The following TPST1 variants were observed in gnomAD, a reference collection of about 807,000 sequenced individuals.
TPST1 encodes the protein tyrosylprotein sulfotransferase 1.
TPST1 carries 20 observed loss-of-function variants against 34.8 expected under a neutral mutation model. The observed-to-expected ratio is 0.57, with a 90% CI of 0.40 to 0.84. The LOEUF is 0.84. TPST1 is among the 40% of genes least tolerant of loss of function. TPST1 has a pLI of 0.00. For synonymous variants in TPST1, 152 were observed against 159.4 expected, an observed-to-expected ratio of 0.95 and a Z score of 0.35; for missense variants, 353 against 455.5, an observed-to-expected ratio of 0.78 and a Z score of 2.05.
At chr7:66,323,204 T>G (rs981323987) in intron 3 of TPST1, among the ~76,000 whole-genome samples, 2 of 152,198 alleles carry the variant, frequency 1.3e-5, no homozygotes, top group African/African-American at 2.4e-5. Flanking sequence ...TAGAGTTGAT[T>G]TCTTTAACTT....
intron 5 of TPST1, 137 bp from the exon 6 acceptor site, chr7:66,359,758 T>A (rs1792654560): frequency 4.9e-6 from 2 of 406,282 alleles, no homozygotes. Flanking sequence ...ACATCCATCC[T>A]CCTGGCCCCT....
chr7:66,352,413 G>A, intron 3 of TPST1, 92 bp from the exon 4 acceptor site: 1 of 1,547,148 alleles, frequency 6.5e-7, no homozygotes, highest in Non-Finnish European at 8.7e-7. Context: ...CAGTGGAGCA[G>A]TAAACCCGGC....
chr7:66,294,688 T>G (rs1463615829), intron 3 of TPST1, among the ~76,000 whole-genome samples: 1 of 152,004 alleles, frequency 6.6e-6, no homozygotes, highest in African/African-American at 2.4e-5. Flanking sequence ...AAAAATCACC[T>G]GTAATGTTCC....
At chr7:66,218,615 G>T (rs1789474599) in intron 1 of TPST1, among the ~76,000 whole-genome samples, 1 of 152,140 alleles carries the variant, frequency 6.6e-6, no homozygotes, top group South Asian at 2.1e-4. Context: ...GGAGGCTGAG[G>T]CGGGGAGATC....
At chr7:66,266,655 T>A (rs1790598379) in intron 2 of TPST1, among the ~76,000 whole-genome samples, 1 of 152,228 alleles carries the variant, frequency 6.6e-6, no homozygotes, top group Admixed American at 6.5e-5. Flanking sequence ...GGGGGATGTA[T>A]AAATAAAATA....
chr7:66,328,543 G>C (rs1791917990), intron 3 of TPST1, among the ~76,000 whole-genome samples: 1 of 150,018 alleles, frequency 6.7e-6, no homozygotes, highest in Admixed American at 6.7e-5. Flanking sequence ...AAATGAAATA[G>C]TTTTTTTTTG....
intron 3 of TPST1, among the ~76,000 whole-genome samples, chr7:66,305,040 A>G (rs1177958032): frequency 6.6e-6 from 1 of 151,932 alleles, no homozygotes; most frequent in African/African-American, 2.4e-5. Context: ...GCTGCTCTTG[A>G]ACTCCTGGCC....
chr7:66,220,254 A>G (rs543860023), intron 1 of TPST1, among the ~76,000 whole-genome samples: 1 of 152,198 alleles, frequency 6.6e-6, no homozygotes, highest in Admixed American at 6.5e-5. Context: ...GTTATATACT[A>G]TGGAGAAACT....
intron 2 of TPST1, among the ~76,000 whole-genome samples, chr7:66,244,930 T>A (rs989924147): frequency 4.6e-5 from 7 of 152,094 alleles, no homozygotes. Context: ...TAGTGATAAG[T>A]ACAAGAGAAC....
At chr7:66,201,862 G>GAAA (rs370370393), upstream of TPST1, among the ~76,000 whole-genome samples, 1,295 of 131,454 alleles carry the variant, frequency 9.9e-3, 28 homozygotes, top group African/African-American at 0.034. Context: ...ATTAAAATAA[G>GAAA]AAAAAAAAAA....
intron 1 of TPST1, among the ~76,000 whole-genome samples, chr7:66,228,537 AATCATTCCTGTATAACT>A (rs1310059111): frequency 1.3e-5 from 2 of 152,336 alleles, no homozygotes; most frequent in Admixed American, 1.3e-4. Context: ...ATACTAGAAG[AATCATTCCTGTATAACT>A]GTATAAATGG....
At chr7:66,234,720 A>T (rs1460165822) in intron 1 of TPST1, among the ~76,000 whole-genome samples, 4 of 152,152 alleles carry the variant, frequency 2.6e-5, no homozygotes, top group African/African-American at 9.7e-5. Context: ...TCTGTCTCCC[A>T]GGTCGGAGTG....
At chr7:66,278,591 T>A (rs1790868252) in intron 2 of TPST1, among the ~76,000 whole-genome samples, 1 of 152,070 alleles carries the variant, frequency 6.6e-6, no homozygotes, top group South Asian at 2.1e-4. Flanking sequence ...GAGACCATCC[T>A]AGCTAACACG....
intron 3 of TPST1, among the ~76,000 whole-genome samples, chr7:66,348,956 C>CCGTAAGG (rs1430013207): frequency 1.3e-5 from 2 of 151,906 alleles, no homozygotes; most frequent in Non-Finnish European, 2.9e-5. Context: ...TTCATATAAG[C>CCGTAAGG]CTTACCTATC....
At chr7:66,357,549 C>T (rs990491546) in intron 5 of TPST1, among the ~76,000 whole-genome samples, 1 of 152,202 alleles carries the variant, frequency 6.6e-6, no homozygotes, top group Non-Finnish European at 1.5e-5. Flanking sequence ...GCCAGCCTTG[C>T]CTTCTCAGCC....
At chr7:66,278,812 T>G (rs889390011) in intron 2 of TPST1, among the ~76,000 whole-genome samples, 2 of 151,662 alleles carry the variant, frequency 1.3e-5, no homozygotes, top group African/African-American at 4.8e-5. Flanking sequence ...AAAAAAAAAG[T>G]TTATCATAGA....
At chr7:66,272,895 A>G (rs909700239) in intron 2 of TPST1, among the ~76,000 whole-genome samples, 1 of 152,008 alleles carries the variant, frequency 6.6e-6, no homozygotes, top group Non-Finnish European at 1.5e-5. Context: ...CCTTACTCTC[A>G]CCACTTCTGT....
intron 1 of TPST1, among the ~76,000 whole-genome samples, chr7:66,234,938 G>T (rs1789880762): frequency 6.6e-6 from 1 of 152,130 alleles, no homozygotes; most frequent in Admixed American, 6.5e-5. Context: ...CTCCCAAAGT[G>T]CTAGGATTAC....
chr7:66,274,026 G>T (rs1021692227), intron 2 of TPST1, among the ~76,000 whole-genome samples: 2 of 151,040 alleles, frequency 1.3e-5, no homozygotes, highest in African/African-American at 4.9e-5. Flanking sequence ...TGGTAGAGAC[G>T]GGGTTTCACC....
Sources: allele counts gnomAD v4.1 joint callset (sites outside exome capture counted in the v4.1 genomes callset), GRCh38; gene constraint gnomAD v4.1.1; transcripts MANE v1.5; gene names NCBI Gene and HGNC (gene_info 2026-07-23, HGNC 2026-07-21).